Variants in GRID2 observed in about 807,000 individuals in gnomAD.
GRID2 encodes glutamate ionotropic receptor delta type subunit 2.
In GRID2, 33 loss-of-function variants were observed where a neutral mutation model predicts 114.8. The observed-to-expected ratio is 0.29, with a 90% CI of 0.22 to 0.38. The LOEUF is 0.38. Among genes scored for constraint, GRID2 ranks in the 10% least tolerant of loss-of-function variants. GRID2 has a pLI of 1.00. For missense variants in GRID2, 1,184 were observed against 1,257.7 expected, an observed-to-expected ratio of 0.94 and a Z score of 0.89; for synonymous variants, 505 against 449.9, an observed-to-expected ratio of 1.12 and a Z score of -1.55.
chr4:92,829,885 G>C (rs1017648608), intron 2 of GRID2, among the ~76,000 whole-genome samples: 2 of 151,940 alleles, frequency 1.3e-5, no homozygotes, highest in Non-Finnish European at 2.9e-5. Flanking sequence ...TGAACAATAA[G>C]AACATATGGA....
chr4:92,918,594 A>G (rs900457798), intron 2 of GRID2, among the ~76,000 whole-genome samples: 2 of 152,184 alleles, frequency 1.3e-5, no homozygotes, highest in Non-Finnish European at 2.9e-5. Flanking sequence ...GCCTTTCTGC[A>G]TCTATTGAGA....
At position 93,120,083 on chromosome 4, in the gene GRID2, A is replaced by T. The variant is rs1344806131; in HGVS notation, c.735+9130A>T. On this transcript the variant is annotated intron_variant, in intron 4 of 15. Transcript: ENST00000282020. The stretch of plus-strand genomic sequence containing the variant: ...GCCAGTTAGAATGGCGATCATTAAA[A>T]GGCAGGAAACAACAGATGCTGGAGA... Among the ~76,000 whole-genome samples the T allele has an allele frequency of 3.3e-5, 5 of 152,342 alleles. No homozygotes were observed. The East Asian group carries it at 7.7e-4, about 24-fold the overall frequency.
At chr4:93,499,249 A>G (rs1727865004) in intron 12 of GRID2, among the ~76,000 whole-genome samples, 1 of 151,698 alleles carries the variant, frequency 6.6e-6, no homozygotes, top group Non-Finnish European at 1.5e-5. Context: ...TTCACATCTT[A>G]GTTTCTTTTC....
chr4:93,587,954 C>G (rs1024167184), intron 13 of GRID2, among the ~76,000 whole-genome samples: 1 of 152,064 alleles, frequency 6.6e-6, no homozygotes, highest in Non-Finnish European at 1.5e-5. Flanking sequence ...TAGATAAACC[C>G]AGGGATGATC....
intron 2 of GRID2, among the ~76,000 whole-genome samples, chr4:93,084,219 T>A (rs1370315587): frequency 6.6e-6 from 1 of 152,212 alleles, no homozygotes; most frequent in Non-Finnish European, 1.5e-5. Context: ...CATTTACTTA[T>A]AATTTATATT....
rs1578549228 is a variant in GRID2, at chr4:92,942,461, G to A, written c.245-142534G>A. On this transcript the variant is annotated intron_variant, in intron 2 of 15. Transcript: ENST00000282020. ...ATCCCTTTATTTTGAGCCTGTGTGTGTCTCTGCATGTGAGGTGGGTTTCCT... is the reference window on the plus strand; with the variant it reads ...ATCCCTTTATTTTGAGCCTGTGTGTATCTCTGCATGTGAGGTGGGTTTCCT... Among the ~76,000 whole-genome samples the A allele has an allele frequency of 3.9e-5, 6 of 152,218 alleles. No individual in the cohort carries two copies. In the South Asian group the frequency reaches 8.3e-4, roughly 21 times the overall value.
chr4:92,974,011 T>TC (rs1449781887), intron 2 of GRID2, among the ~76,000 whole-genome samples: 1 of 151,824 alleles, frequency 6.6e-6, no homozygotes, highest in Non-Finnish European at 1.5e-5. Context: ...AACAACCCCA[T>TC]CAAAAAATAG....
At chr4:93,190,564 T>C (rs1029538192) in intron 4 of GRID2, among the ~76,000 whole-genome samples, 1 of 152,172 alleles carries the variant, frequency 6.6e-6, no homozygotes, top group Admixed American at 6.5e-5. Flanking sequence ...AATGTCCTTT[T>C]CTTGGCTCTC....
At chr4:93,514,458 C>A (rs1419159296) in intron 12 of GRID2, among the ~76,000 whole-genome samples, 2 of 150,028 alleles carry the variant, frequency 1.3e-5, no homozygotes, top group Non-Finnish European at 3.0e-5. Context: ...CACACACACA[C>A]ACAATGCTAA....
intron 13 of GRID2, among the ~76,000 whole-genome samples, chr4:93,541,447 C>CT (rs1732645841): frequency 6.6e-6 from 1 of 152,100 alleles, no homozygotes; most frequent in African/African-American, 2.4e-5. Flanking sequence ...GTATTCTTCT[C>CT]TTCAAATGCA....
At chr4:93,386,469 G>A (rs952931069) in intron 8 of GRID2, among the ~76,000 whole-genome samples, 2 of 152,132 alleles carry the variant, frequency 1.3e-5, no homozygotes, top group South Asian at 2.1e-4. Flanking sequence ...ATTGAGCTGA[G>A]CTGGGGAGGG....
At chr4:93,382,094 A>C (rs2149309652) in intron 8 of GRID2, among the ~76,000 whole-genome samples, 1 of 152,114 alleles carries the variant, frequency 6.6e-6, no homozygotes, top group African/African-American at 2.4e-5. Context: ...TGGTTTCCAA[A>C]ATTTCTGATA....
intron 2 of GRID2, among the ~76,000 whole-genome samples, chr4:93,018,576 G>A (rs1316973323): frequency 1.3e-5 from 2 of 152,084 alleles, no homozygotes; most frequent in Non-Finnish European, 2.9e-5. Context: ...AAAGCTTGAA[G>A]ACAGCCATGA....
chr4:92,682,028 ATAAT>A (rs1176385432), intron 2 of GRID2, among the ~76,000 whole-genome samples: 7 of 152,146 alleles, frequency 4.6e-5, no homozygotes, highest in Middle Eastern at 3.2e-3. Context: ...AGGAGAGTAA[ATAAT>A]TAATAAAGAA....
chr4:93,617,673 G>A (rs934634778), intron 13 of GRID2, among the ~76,000 whole-genome samples: 4 of 151,856 alleles, frequency 2.6e-5, no homozygotes, highest in African/African-American at 7.3e-5. Context: ...AACCAGTATC[G>A]AAAGTTAAAT....
chr4:92,747,492 A>C (rs1432866265), intron 2 of GRID2, among the ~76,000 whole-genome samples: 1 of 152,084 alleles, frequency 6.6e-6, no homozygotes, highest in South Asian at 2.1e-4. Flanking sequence ...AGGCAGGGTA[A>C]AGTTTCTGTT....
intron 13 of GRID2, among the ~76,000 whole-genome samples, chr4:93,545,187 G>C (rs1157412806): frequency 6.6e-6 from 1 of 152,074 alleles, no homozygotes; most frequent in East Asian, 1.9e-4. Flanking sequence ...TGCAGAGGCA[G>C]ATAACAAAGA....
intron 1 of GRID2, among the ~76,000 whole-genome samples, chr4:92,524,666 G>A (rs181273406): frequency 6.6e-6 from 1 of 151,998 alleles, no homozygotes; most frequent in African/African-American, 2.4e-5. Flanking sequence ...TACTTTCTTA[G>A]TTTCCTGTGC....
chr4:92,370,912 C>G (rs1729088308), intron 1 of GRID2, among the ~76,000 whole-genome samples: 1 of 152,068 alleles, frequency 6.6e-6, no homozygotes, highest in Non-Finnish European at 1.5e-5. Context: ...GAAAACGGAA[C>G]GTTCTAGAAA....
Sources: allele counts gnomAD v4.1 joint callset (sites outside exome capture counted in the v4.1 genomes callset), GRCh38; gene constraint gnomAD v4.1.1; transcripts MANE v1.5; gene names NCBI Gene and HGNC (gene_info 2026-07-23, HGNC 2026-07-21).